The following DUS2 variants were observed in gnomAD, a reference collection of about 807,000 sequenced individuals.
The protein encoded by DUS2 is tRNA-dihydrouridine(20) synthase [NAD(P)+]-like.
In DUS2, 52 loss-of-function variants were observed where a neutral mutation model predicts 71.3. The ratio of observed to expected loss-of-function variants is 0.73; its 90% CI spans 0.58 to 0.92. DUS2 has a LOEUF of 0.92. Ranked by LOEUF, DUS2 falls within the 40% of genes least tolerant of loss-of-function variation. The pLI is 0.00. For missense variants in DUS2, 558 were observed against 622.6 expected, an observed-to-expected ratio of 0.90 and a Z score of 1.10; for synonymous variants, 204 against 227.8, an observed-to-expected ratio of 0.90 and a Z score of 0.94.
chr16:68,041,810 C>CA (rs775747419), intron 3 of DUS2, among the ~76,000 whole-genome samples: 838 of 56,408 alleles, frequency 0.015, 9 homozygotes, highest in African/African-American at 0.031. Flanking sequence ...AACTCTGTGT[C>CA]AAAAAAAAAA....
intron 2 of DUS2, among the ~76,000 whole-genome samples, chr16:68,033,812 A>G (rs964627029): frequency 7.9e-5 from 12 of 151,738 alleles, no homozygotes; most frequent in African/African-American, 2.9e-4. Context: ...TTGTATTTTT[A>G]GTAGAGATGG....
chr16:68,071,831 G>A (rs745737107), intron 12 of DUS2, among the ~76,000 whole-genome samples: 11 of 152,020 alleles, frequency 7.2e-5, no homozygotes, highest in Non-Finnish European at 1.5e-4. Context: ...TAGAGATGAG[G>A]TCTCCCTATG....
At chr16:68,076,131 C>T (rs958499630) in intron 14 of DUS2, among the ~76,000 whole-genome samples, 3 of 152,192 alleles carry the variant, frequency 2.0e-5, no homozygotes, top group African/African-American at 7.2e-5. Context: ...CCCTCCCACC[C>T]TGTCACTGTG....
At position 68,075,421 on chromosome 16, in the gene DUS2, G is replaced by A. The variant is rs1460061954; in HGVS notation, c.999G>A (p.Arg333=). The A allele has an allele frequency of 1.9e-6, 3 of 1,613,880 alleles. No individual in the cohort carries two copies. The change falls in exon 14 of 17, where the codon AGG becomes AGA. Residue 333 remains arginine (R), a synonymous_variant. Transcript: ENST00000565263. The part of the protein sequence containing the change: ...TTQELDAQQA[R]LSAKTSEQTG... ...AGGAGCTGGATGCCCAGCAGGCCAG[G>A]CTCTCAGCCAAGACTTCAGAGCAGA...
intron 3 of DUS2, among the ~76,000 whole-genome samples, chr16:68,040,949 C>T (rs1241019149): frequency 2.6e-5 from 4 of 152,020 alleles, no homozygotes; most frequent in African/African-American, 9.7e-5. Context: ...CCCACAAAGT[C>T]GCCGAGCGTG....
intron 2 of DUS2, among the ~76,000 whole-genome samples, chr16:68,029,363 G>C (rs2033404624): frequency 6.6e-6 from 1 of 152,066 alleles, no homozygotes; most frequent in Admixed American, 6.6e-5. Context: ...GACTGGTCTT[G>C]AACTCTTGGG....
Position 68,066,382 on chromosome 16 carries a change from G to T in DUS2, c.483G>T (p.Ser161=), listed in dbSNP as rs761809372. 6.2e-7 allele frequency: 1 copy of T among 1,612,938 alleles called. No individual in the cohort carries two copies. The highest frequency in any genetic ancestry group is 1.1e-5 in the South Asian group (1 of 91,056). The stretch of plus-strand genomic sequence containing the variant: ...CCTGCAAGATTCGCATCCTGCCATC[G>T]GTAAGGATGGTGTGTTACATATGAA... ...PVTCKIRILP[S]LEDTLSLVKR... Residue 161 remains serine (S), a splice_region_variant and synonymous_variant, in exon 9 of 17, where the codon TCG becomes TCT. Transcript: ENST00000565263.
chr16:68,063,197 T>C (rs959960967), intron 8 of DUS2, among the ~76,000 whole-genome samples: 1 of 152,152 alleles, frequency 6.6e-6, no homozygotes. Flanking sequence ...ATGGGCCAGG[T>C]TGGACTGATA....
At chr16:68,071,372 C>T (rs1302179389) in intron 12 of DUS2, among the ~76,000 whole-genome samples, 1 of 152,216 alleles carries the variant, frequency 6.6e-6, no homozygotes, top group Non-Finnish European at 1.5e-5. Context: ...CCTTCTAGAT[C>T]CAGGATGCTG....
intron 8 of DUS2, 117 bp from the exon 9 acceptor site, chr16:68,066,200 C>G: frequency 1.1e-6 from 1 of 901,996 alleles, no homozygotes. Context: ...TGCATTCACA[C>G]ATATGCAAAC....
At chr16:68,034,841 C>T (rs1346197390) in intron 2 of DUS2, among the ~76,000 whole-genome samples, 2 of 151,846 alleles carry the variant, frequency 1.3e-5, no homozygotes, top group Non-Finnish European at 2.9e-5. Context: ...ACTAAAAATA[C>T]AAAAATTAGC....
intron 8 of DUS2, among the ~76,000 whole-genome samples, chr16:68,063,738 T>G (rs2033970947): frequency 6.6e-6 from 1 of 152,112 alleles, no homozygotes; most frequent in Non-Finnish European, 1.5e-5. Context: ...TATTTATTTA[T>G]TTTGAGAGGG....
intron 2 of DUS2, among the ~76,000 whole-genome samples, chr16:68,035,363 A>G (rs2033501565): frequency 6.6e-6 from 1 of 151,856 alleles, no homozygotes; most frequent in East Asian, 1.9e-4. Context: ...TACTGCTGTT[A>G]ACATTGTGTA....
intron 8 of DUS2, among the ~76,000 whole-genome samples, chr16:68,063,148 G>A (rs896924692): frequency 1.3e-5 from 2 of 152,232 alleles, no homozygotes; most frequent in Admixed American, 1.3e-4. Flanking sequence ...AACCTCAGAA[G>A]CTTAGTTCAT....
Position 68,056,197 on chromosome 16 carries a change from A to G in DUS2, c.309-167A>G, listed in dbSNP as rs536455619. Among the ~76,000 whole-genome samples, 15 of 152,066 alleles carry G rather than the reference A, an allele frequency of 9.9e-5. No homozygotes were observed. The South Asian group carries it at 2.7e-3, about 27-fold the overall frequency. On this transcript the variant is annotated intron_variant, in intron 6 of 16. Transcript: ENST00000565263. ...GATGAGGCAGGTGCACGTTTTAAGG[A>G]TGGGTTTCTTTCCCATTTTTCAGCT...
intron 11 of DUS2, 72 bp downstream of exon 11, chr16:68,070,292 C>A: frequency 6.8e-7 from 1 of 1,473,380 alleles, no homozygotes; most frequent in South Asian, 1.1e-5. Context: ...CAGGCCCAGC[C>A]TTCCCTAGAG....
intron 2 of DUS2, among the ~76,000 whole-genome samples, chr16:68,027,992 A>G (rs748453526): frequency 1.2e-4 from 19 of 152,198 alleles, no homozygotes; most frequent in Non-Finnish European, 1.9e-4. Context: ...AGAGGCTTCT[A>G]TGGAAGGTGG....
At chr16:68,069,127 G>A (rs2034049872) in intron 10 of DUS2, among the ~76,000 whole-genome samples, 1 of 151,988 alleles carries the variant, frequency 6.6e-6, no homozygotes. Context: ...GGTGGCTAAC[G>A]CCTAGAATCC....
intron 7 of DUS2, among the ~76,000 whole-genome samples, chr16:68,059,669 A>G (rs1439616750): frequency 6.6e-6 from 1 of 152,210 alleles, no homozygotes; most frequent in African/African-American, 2.4e-5. Flanking sequence ...TTAAAGTGTA[A>G]TAACTGAACT....
Sources: allele counts gnomAD v4.1 joint callset (sites outside exome capture counted in the v4.1 genomes callset), GRCh38; gene constraint gnomAD v4.1.1; transcripts MANE v1.5; gene names NCBI Gene and HGNC (gene_info 2026-07-23, HGNC 2026-07-21).